Variants in GPC5 observed in about 807,000 individuals in gnomAD.
GPC5 encodes the protein glypican-5.
GPC5 carries 47 observed loss-of-function variants against 53.9 expected under a neutral mutation model. The ratio of observed to expected loss-of-function variants is 0.87; its 90% confidence interval spans 0.69 to 1.11. GPC5 has a LOEUF of 1.11. Among genes scored for constraint, GPC5 ranks in the 50% most tolerant of loss-of-function variants. The pLI, the probability that GPC5 is intolerant of heterozygous loss-of-function variation, is 0.00. For synonymous variants in GPC5, 286 were observed against 263.3 expected (o/e 1.09, Z -0.84); for missense variants, 748 against 713.1 (o/e 1.05, Z -0.56).
chr13:92,009,118 T>C (rs1169979439), intron 6 of GPC5, among the ~76,000 whole-genome samples: 1 of 152,196 alleles, frequency 6.6e-6, no homozygotes, highest in South Asian at 2.1e-4. Context: ...GCATTATCTC[T>C]TTCATTTCTG....
At chr13:91,621,398 G>C (rs534151771) in intron 2 of GPC5, among the ~76,000 whole-genome samples, 13 of 152,206 alleles carry the variant, frequency 8.5e-5, no homozygotes, top group African/African-American at 3.1e-4. Context: ...ATGTGGGCAG[G>C]TGAGGAAGTC....
intron 2 of GPC5, among the ~76,000 whole-genome samples, chr13:91,682,551 C>G (rs2035531572): frequency 6.6e-6 from 1 of 152,126 alleles, no homozygotes; most frequent in Non-Finnish European, 1.5e-5. Context: ...GCATTTGAAC[C>G]AAACCCTATC....
chr13:91,679,784 A>G (rs1423480893), intron 2 of GPC5, among the ~76,000 whole-genome samples: 1 of 152,220 alleles, frequency 6.6e-6, no homozygotes, highest in African/African-American at 2.4e-5. Flanking sequence ...TAAACTCTCA[A>G]TTACACATAT....
chr13:92,602,294 T>C (rs1884104837), intron 7 of GPC5, among the ~76,000 whole-genome samples: 1 of 142,996 alleles, frequency 7.0e-6, no homozygotes, highest in South Asian at 2.2e-4. Flanking sequence ...ATGAGTACTC[T>C]GTAAAGAATA....
At chr13:91,786,004 T>C (rs2037872302) in intron 5 of GPC5, among the ~76,000 whole-genome samples, 1 of 152,146 alleles carries the variant, frequency 6.6e-6, no homozygotes, top group Admixed American at 6.6e-5. Context: ...AAGTTTTTCT[T>C]TCTTTTTTTT....
At chr13:91,803,713 CT>C (rs2038172117) in intron 5 of GPC5, among the ~76,000 whole-genome samples, 1 of 149,668 alleles carries the variant, frequency 6.7e-6, no homozygotes, top group South Asian at 2.1e-4. Flanking sequence ...ATTAAATTTC[CT>C]AAAATTGTTA....
rs138383447 is a variant in GPC5 at position 92,021,416 on chromosome 13, C to A, written c.1401+113359C>A. Among the ~76,000 whole-genome samples, 510 of 152,246 alleles carry A rather than the reference C, an allele frequency of 3.3e-3. 8 individuals are homozygous for A. Among genetic ancestry groups the A allele is most frequent in the African/African-American group, 0.012 (490 of 41,548 alleles). ...GTGTGATTCCACTTATATGAGATAT[C>A]TAAGTAGTCAAAAGCATGGGGTGAA... On this transcript the variant is annotated intron_variant, in intron 6 of 7. Transcript: ENST00000377067.
intron 2 of GPC5, among the ~76,000 whole-genome samples, chr13:91,579,435 C>G (rs2032264159): frequency 6.6e-6 from 1 of 152,108 alleles, no homozygotes; most frequent in Admixed American, 6.6e-5. Flanking sequence ...GTCTCTCTTC[C>G]CTCTTGTCAG....
intron 5 of GPC5, among the ~76,000 whole-genome samples, chr13:91,830,151 G>A (rs568766268): frequency 1.2e-4 from 18 of 152,094 alleles, no homozygotes; most frequent in East Asian, 5.8e-4. Flanking sequence ...CAGGGGGGCC[G>A]TGTATAGACC....
At chr13:92,480,440 G>A (rs1388273253) in intron 7 of GPC5, among the ~76,000 whole-genome samples, 1 of 152,058 alleles carries the variant, frequency 6.6e-6, no homozygotes, top group African/African-American at 2.4e-5. Flanking sequence ...TAATTTTCTT[G>A]TGGCTCCAAG....
intron 7 of GPC5, among the ~76,000 whole-genome samples, chr13:92,754,607 T>C (rs1176001438): frequency 6.6e-6 from 1 of 151,122 alleles, no homozygotes; most frequent in Non-Finnish European, 1.5e-5. Flanking sequence ...GAGACACACA[T>C]AGGCTCAAAA....
chr13:92,674,614 G>A (rs999639088), intron 7 of GPC5, among the ~76,000 whole-genome samples: 9 of 150,922 alleles, frequency 6.0e-5, no homozygotes, highest in African/African-American at 2.2e-4. Flanking sequence ...AGAGCTCATG[G>A]AGTGGCATAT....
At chr13:92,477,889 T>C (rs1223851602) in intron 7 of GPC5, among the ~76,000 whole-genome samples, 3 of 152,156 alleles carry the variant, frequency 2.0e-5, no homozygotes, top group Non-Finnish European at 4.4e-5. Flanking sequence ...AACTATCTGG[T>C]ATGCAAAATG....
intron 7 of GPC5, among the ~76,000 whole-genome samples, chr13:92,316,238 TTTTC>T (rs2139216792): frequency 1.3e-5 from 2 of 152,258 alleles, no homozygotes; most frequent in East Asian, 3.9e-4. Context: ...ACCAACACCT[TTTTC>T]TTTCTATCCA....
intron 6 of GPC5, among the ~76,000 whole-genome samples, chr13:92,066,157 T>C (rs2041165692): frequency 6.6e-6 from 1 of 152,098 alleles, no homozygotes; most frequent in African/African-American, 2.4e-5. Context: ...TTTAGATCTA[T>C]TAGCGACAGA....
chr13:91,789,738 G>T (rs1394100839), intron 5 of GPC5, among the ~76,000 whole-genome samples: 1 of 152,020 alleles, frequency 6.6e-6, no homozygotes, highest in Non-Finnish European at 1.5e-5. Context: ...CTTGAGACTG[G>T]GTAATTTATA....
chr13:91,670,349 G>A (rs2035215506), intron 2 of GPC5, among the ~76,000 whole-genome samples: 1 of 152,078 alleles, frequency 6.6e-6, no homozygotes, highest in African/African-American at 2.4e-5. Flanking sequence ...GATAAACAGG[G>A]ACACGAATGT....
At chr13:92,587,074 A>G (rs1883561374) in intron 7 of GPC5, among the ~76,000 whole-genome samples, 1 of 152,092 alleles carries the variant, frequency 6.6e-6, no homozygotes, top group African/African-American at 2.4e-5. Flanking sequence ...GCATCTCCTA[A>G]CTAGTTGAGA....
At chr13:91,489,982 A>G (rs1883846059) in intron 2 of GPC5, among the ~76,000 whole-genome samples, 1 of 152,216 alleles carries the variant, frequency 6.6e-6, no homozygotes, top group Non-Finnish European at 1.5e-5. Flanking sequence ...GGGGGGAGTG[A>G]GTCACCTAGG....
Sources: allele counts gnomAD v4.1 joint callset (sites outside exome capture counted in the v4.1 genomes callset), GRCh38; gene constraint gnomAD v4.1.1; transcripts MANE v1.5; gene names NCBI Gene and HGNC (gene_info 2026-07-23, HGNC 2026-07-21).